Variants in ARAP1 observed in about 807,000 individuals in gnomAD.
The protein encoded by ARAP1 is arf-GAP with Rho-GAP domain, ANK repeat and PH domain-containing protein 1.
Under a neutral mutation model 172.2 loss-of-function variants are expected in ARAP1, and 76 were observed. The ratio of observed to expected loss-of-function variants is 0.44; its 90% CI spans 0.37 to 0.53. ARAP1 has a LOEUF of 0.53. Ranked by LOEUF, ARAP1 falls within the 20% of genes least tolerant of loss-of-function variation. The pLI is 0.00. For synonymous variants in ARAP1, 804 were observed against 803.3 expected, an observed-to-expected ratio of 1.00 and a Z score of -0.01; for missense variants, 1,686 against 1,977.5, an observed-to-expected ratio of 0.85 and a Z score of 2.80.
intron 11 of ARAP1, chr11:72,708,434 G>C (rs149788271): frequency 6.5e-6 from 1 of 153,292 alleles, no homozygotes; most frequent in East Asian, 1.9e-4. Context: ...ACCCAGGAAC[G>C]GACAGGCCTC....
Position 72,722,194 on chromosome 11 carries a change from AGAGT to A in ARAP1, c.509+4422_509+4425del, listed in dbSNP as rs1321604358. ...GAGAAAGACAGAGGGAGAGAGAGAGAGAGTGTGTGTGAGTGTGTGTGACTCTGTG... is the reference window on the plus strand; with the variant it reads ...GAGAAAGACAGAGGGAGAGAGAGAGAGTGTGTGAGTGTGTGTGACTCTGTG... On this transcript the variant is annotated intron_variant, in intron 3 of 34. Transcript: ENST00000393609. The A allele has an allele frequency of 5.1e-6, 5 of 985,572 alleles. No individual in the cohort carries two copies. The East Asian group carries it at 3.4e-4, about 67-fold the overall frequency. The allele number at this position is 985,572 out of a possible 1,614,324, so 61.1% of individuals were successfully genotyped here.
chr11:72,713,275 C>G (rs746313047), intron 4 of ARAP1, 32 bp from the exon 5 acceptor site: 1 of 1,605,658 alleles, frequency 6.2e-7, no homozygotes, highest in Middle Eastern at 1.7e-4. Context: ...GGCCTCAGGG[C>G]AAGGGGCCTG....
intron 14 of ARAP1, 64 bp downstream of exon 14, chr11:72,704,088 G>T: frequency 6.3e-7 from 1 of 1,598,894 alleles, no homozygotes. Flanking sequence ...AAGACAGCAT[G>T]AGGAACAGGG....
chr11:72,692,922 T>C (rs1856003324), intron 29 of ARAP1, 137 bp from the exon 30 acceptor site: 1 of 1,143,944 alleles, frequency 8.7e-7, no homozygotes, highest in African/African-American at 1.5e-5. Flanking sequence ...GGAGTCTGGG[T>C]TGGGAGAACA....
Position 72,704,260 on chromosome 11 carries a change from C to T in ARAP1, c.1884G>A (p.Gln628=). The T allele has an allele frequency of 1.9e-6, 3 of 1,613,248 alleles. No homozygotes were observed. Among genetic ancestry groups the T allele is most frequent in the Non-Finnish European group, 2.5e-6 (3 of 1,179,658 alleles). Residue 628 remains glutamine, a synonymous_variant, in exon 14 of 35, where the codon CAG becomes CAA. Coordinates refer to ENST00000393609, the MANE Select transcript of ARAP1 (RefSeq NM_001040118.3). ...GCCGGGTGCTGGGGCTGCTGCTGGGCTGCAGGGCCTCACTGGGGGGCACGT... is the reference window on the plus strand; with the variant it reads ...GCCGGGTGCTGGGGCTGCTGCTGGGTTGCAGGGCCTCACTGGGGGGCACGT... ...AANVPPSEAL[Q]PSSSPSTRRC... is the part of the protein sequence containing the mutation.
rs1218129418 is a variant in ARAP1 at position 72,727,033 on chromosome 11, C to A, written c.96G>T (p.Leu32=). 6.2e-7 allele frequency: 1 copy of A among 1,610,002 alleles called. No individual in the cohort carries two copies. The highest frequency in any genetic ancestry group is 8.5e-7 in the Non-Finnish European group (1 of 1,178,286). ...QYTGLFEQHG[L]VWATECQGLS... ...GGCCTTGGCACTCAGTGGCCCACAC[C>A]AGGCCATGCTGCTCAAAGAGCCCCG... Residue 32 remains leucine, a synonymous_variant, in exon 3 of 35, where the codon CTG becomes CTT. Coordinates refer to ENST00000393609, the MANE Select transcript of ARAP1 (RefSeq NM_001040118.3).
In ARAP1 at chr11:72,695,179, A is replaced by G; in HGVS notation, c.3577-82T>C. ...ACCTTGCTATGTGACTCAGAGCCTG[A>G]GCCCATCCTTCTCAGGCCCTTCTGG... On this transcript the variant is annotated intron_variant, in intron 26 of 34. Transcript: ENST00000393609. The surrounding 1 kb of genome is among the most constrained non-coding windows in gnomAD (Gnocchi z 4.4). 6.8e-7 allele frequency: 1 copy of G among 1,481,226 alleles called. No individual in the cohort carries two copies. The highest frequency in any genetic ancestry group is 9.3e-7 in the Non-Finnish European group (1 of 1,070,330). The allele number at this position is 1,481,226 out of a possible 1,614,324, so 91.8% of individuals were successfully genotyped here.
chr11:72,687,375 C>T lies in ARAP1; in HGVS notation c.4185+64G>A. On this transcript the variant is annotated intron_variant, in intron 33 of 34. Transcript: ENST00000393609. The stretch of plus-strand genomic sequence containing the variant: ...GGTTGAATAGCACAGAAGCCAATGT[C>T]CCCATTCTCCATAATGGAAGCCTCC... The T allele has an allele frequency of 2.5e-6, 4 of 1,594,006 alleles. No individual in the cohort carries two copies. The East Asian group carries it at 6.7e-5, about 27-fold the overall frequency.
intron 3 of ARAP1, among the ~76,000 whole-genome samples, chr11:72,717,567 G>A (rs960719212): frequency 6.6e-6 from 1 of 152,230 alleles, no homozygotes; most frequent in African/African-American, 2.4e-5. Flanking sequence ...CGACGGGTCT[G>A]TGCATCTTGG....
In ARAP1 at chr11:72,698,993, C is replaced by T; in HGVS notation, c.2541+12G>A. The T allele has an allele frequency of 6.2e-7, 1 of 1,613,920 alleles. No individual in the cohort carries two copies. Among genetic ancestry groups the T allele is most frequent in the Middle Eastern group, 1.6e-4 (1 of 6,062 alleles). On this transcript the variant is annotated intron_variant, in intron 18 of 34. Transcript: ENST00000393609. ...AGACACCCTTACACCCACCCTGCTA[C>T]CCCAGGCTCACCTTAGCAATACACT...
At position 72,693,162 on chromosome 11, in the gene ARAP1, C is replaced by T; in HGVS notation, c.3954+163G>A. 1 of 1,153,930 alleles carries T rather than the reference C, an allele frequency of 8.7e-7. No individual in the cohort carries two copies. The highest frequency in any genetic ancestry group is 1.2e-6 in the Non-Finnish European group (1 of 838,514). 71.5% of individuals were successfully genotyped at this position (1,153,930 alleles called of 1,614,324 possible). ...GGCACACTAGAGTGGCCGTCCAGGG[C>T]CACAGCAGGAGGGGTCTTGAGAGTC... is the stretch of plus-strand genomic sequence containing the variant. On this transcript the variant is annotated intron_variant, in intron 29 of 34. Transcript: ENST00000393609. The surrounding 1 kb of genome is among the most constrained non-coding windows in gnomAD (Gnocchi z 4.6).
At chr11:72,722,210 T>C (rs1339768891) in intron 3 of ARAP1, 18 of 985,728 alleles carry the variant, frequency 1.8e-5, no homozygotes, top group Non-Finnish European at 2.2e-5. Flanking sequence ...TGTGTGAGTG[T>C]GTGTGACTCT....
chr11:72,696,474 GGTA>G, intron 23 of ARAP1, 72 bp downstream of exon 23: 1 of 1,230,078 alleles, frequency 8.1e-7, no homozygotes, highest in Non-Finnish European at 1.1e-6. Flanking sequence ...CCCAGAGGAG[GGTA>G]GTCAGCCAGG....
intron 5 of ARAP1, 27 bp from the exon 6 acceptor site, chr11:72,712,595 T>C: frequency 6.2e-7 from 1 of 1,608,868 alleles, no homozygotes; most frequent in Non-Finnish European, 8.5e-7. Flanking sequence ...CTCAGCGTCA[T>C]CCTTCCCTTC....
intron 3 of ARAP1, among the ~76,000 whole-genome samples, chr11:72,723,365 G>A (rs961113809): frequency 6.6e-6 from 1 of 152,088 alleles, no homozygotes; most frequent in African/African-American, 2.4e-5. Context: ...GACTCTGGGG[G>A]TGATGTAGAG....
At chr11:72,692,324 A>G (rs1855974197) in intron 30 of ARAP1, among the ~76,000 whole-genome samples, 1 of 152,112 alleles carries the variant, frequency 6.6e-6, no homozygotes, top group African/African-American at 2.4e-5. Context: ...GTATCCCACA[A>G]GCCTCTCTCG....
intron 3 of ARAP1, chr11:72,722,182 GGAGA>G (rs10675016): frequency 1.1e-5 from 11 of 956,896 alleles, no homozygotes; most frequent in East Asian, 2.3e-4. Context: ...AAAGACAGAG[GGAGA>G]GAGAGAGAGA....
intron 1 of ARAP1, among the ~76,000 whole-genome samples, chr11:72,746,925 G>A (rs1268273413): frequency 6.6e-6 from 1 of 152,238 alleles, no homozygotes; most frequent in Non-Finnish European, 1.5e-5. Context: ...TTATGGGTTG[G>A]GGAGGAGAGA....
rs759390723 is a variant in ARAP1 at position 72,685,675 on chromosome 11, G to A, written c.4342C>T (p.Arg1448Cys). The A allele has an allele frequency of 1.4e-5, 22 of 1,614,044 alleles. No individual in the cohort carries two copies. The highest frequency in any genetic ancestry group is 7.6e-6 in the Non-Finnish European group (9 of 1,179,908). ...ATGGGCTCCTGTGCTCAGACGTTGC[G>A]CAGAAGCTGCAGGAAGGCAAGAGAC... ...AFTADPLSLLRNV is the reference protein window; with the variant it reads ...AFTADPLSLLCNV Residue 1448 changes from arginine to cysteine, a missense_variant, in exon 35 of 35, where the codon CGC (arginine) becomes TGC (cysteine). Physicochemically the swap from Arg to Cys is radical, Grantham distance 180 (BLOSUM62 -3). Around this residue, in one of 5 missense-constraint regions of ARAP1, gnomAD observed 379 missense variants for 500.1 expected, o/e 0.76. Transcript: ENST00000393609.
Sources: allele counts gnomAD v4.1 joint callset (sites outside exome capture counted in the v4.1 genomes callset), GRCh38; gene constraint gnomAD v4.1.1; regional missense constraint gnomAD v4.1.1; non-coding constraint Gnocchi (gnomAD v3.1); transcripts MANE v1.5; gene names NCBI Gene and HGNC (gene_info 2026-07-23, HGNC 2026-07-21).